Variants in RNF180 observed in about 807,000 individuals in gnomAD.
RNF180 encodes the protein E3 ubiquitin-protein ligase RNF180.
RNF180 carries 38 observed loss-of-function variants against 59.2 expected under a neutral mutation model. The observed-to-expected ratio is 0.64, with a 90% confidence interval of 0.50 to 0.84. The LOEUF (loss-of-function observed/expected upper bound fraction) is 0.84. Among genes scored for constraint, RNF180 ranks in the 40% least tolerant of loss-of-function variants. The pLI is 0.00. For missense variants in RNF180, 705 were observed against 700.9 expected (o/e 1.01, Z -0.07); for synonymous variants, 262 against 240.3 (o/e 1.09, Z -0.84).
chr5:64,232,416 G>T (rs965116859), intron 5 of RNF180, among the ~76,000 whole-genome samples: 1 of 152,114 alleles, frequency 6.6e-6, no homozygotes, highest in Non-Finnish European at 1.5e-5. Context: ...TTCAAGGCTG[G>T]AGTGTAGTGG....
chr5:64,216,939 C>T (rs1428966685), intron 4 of RNF180, among the ~76,000 whole-genome samples: 1 of 152,130 alleles, frequency 6.6e-6, no homozygotes, highest in Non-Finnish European at 1.5e-5. Flanking sequence ...AATGGACATA[C>T]AGAACATTTT....
intron 1 of RNF180, among the ~76,000 whole-genome samples, chr5:64,190,413 A>G (rs755360643): frequency 7.2e-5 from 11 of 152,092 alleles, no homozygotes; most frequent in Non-Finnish European, 1.2e-4. Context: ...GATTAGTTAT[A>G]CCTTGAGTCT....
intron 7 of RNF180, among the ~76,000 whole-genome samples, chr5:64,354,817 A>C (rs926254894): frequency 6.6e-6 from 1 of 151,872 alleles, no homozygotes; most frequent in Non-Finnish European, 1.5e-5. Flanking sequence ...ACATTAATAA[A>C]GGGGGGAAGG....
At chr5:64,208,125 T>C (rs922894461) in intron 2 of RNF180, among the ~76,000 whole-genome samples, 1 of 152,108 alleles carries the variant, frequency 6.6e-6, no homozygotes, top group African/African-American at 2.4e-5. Context: ...TTATAGAAAC[T>C]GAGAATATTC....
intron 1 of RNF180, among the ~76,000 whole-genome samples, chr5:64,177,820 A>G (rs1430304737): frequency 6.6e-6 from 1 of 152,082 alleles, no homozygotes; most frequent in Admixed American, 6.5e-5. Flanking sequence ...GAAGCACCCC[A>G]AGACTAGCAA....
chr5:64,355,170 G>T (rs1450154616), intron 7 of RNF180, among the ~76,000 whole-genome samples: 1 of 151,876 alleles, frequency 6.6e-6, no homozygotes, highest in Non-Finnish European at 1.5e-5. Context: ...CCTGTATACA[G>T]AAAATCCCAA....
intron 1 of RNF180, among the ~76,000 whole-genome samples, chr5:64,171,055 A>G (rs1749909897): frequency 6.6e-6 from 1 of 152,220 alleles, no homozygotes; most frequent in Non-Finnish European, 1.5e-5. Flanking sequence ...TCAACGATAT[A>G]GAGTAACAAG....
intron 5 of RNF180, among the ~76,000 whole-genome samples, chr5:64,299,017 G>A (rs1385665941): frequency 1.3e-5 from 2 of 151,948 alleles, no homozygotes; most frequent in Non-Finnish European, 2.9e-5. Flanking sequence ...ATGGCCTTTG[G>A]TAGGTATTAA....
chr5:64,185,729 G>A (rs1013302570), intron 1 of RNF180, among the ~76,000 whole-genome samples: 1 of 152,176 alleles, frequency 6.6e-6, no homozygotes, highest in Admixed American at 6.5e-5. Context: ...GTGGTATTGA[G>A]GGGGACTACA....
At chr5:64,258,653 G>A (rs1744134559) in intron 5 of RNF180, among the ~76,000 whole-genome samples, 1 of 152,188 alleles carries the variant, frequency 6.6e-6, no homozygotes, top group African/African-American at 2.4e-5. Flanking sequence ...TGGGGTGTGA[G>A]ATATATAGGT....
chr5:64,249,350 A>C (rs1018406146), intron 5 of RNF180, among the ~76,000 whole-genome samples: 1 of 152,230 alleles, frequency 6.6e-6, no homozygotes, highest in Admixed American at 6.6e-5. Context: ...GGGAGTTTCC[A>C]TAAGGCTAGC....
At chr5:64,247,449 A>G (rs1338465050) in intron 5 of RNF180, among the ~76,000 whole-genome samples, 4 of 152,234 alleles carry the variant, frequency 2.6e-5, no homozygotes, top group African/African-American at 9.6e-5. Context: ...AAAAATCACA[A>G]GCATTCCTAT....
chr5:64,183,884 T>C (rs1750743797), intron 1 of RNF180, among the ~76,000 whole-genome samples: 2 of 152,238 alleles, frequency 1.3e-5, no homozygotes, highest in South Asian at 2.1e-4. Context: ...ATAATAGCTT[T>C]ATTAGGCTGC....
At position 64,172,192 on chromosome 5, in the gene RNF180, G is replaced by A. The variant is rs146313097; in HGVS notation, c.-1+6239G>A. ...CTTCAAATGCATAGTGACTGTTAGC[G>A]TAAATGCTGACAGACTGATTTTTAG... is the stretch of plus-strand genomic sequence containing the variant. On this transcript the variant is annotated intron_variant, in intron 1 of 7. Transcript: ENST00000389100. Among the ~76,000 whole-genome samples the A allele has an allele frequency of 8.1e-3, 1,236 of 152,248 alleles. 18 individuals are homozygous for A. The highest frequency in any genetic ancestry group is 0.028 in the African/African-American group (1,144 of 41,534).
In RNF180 at chr5:64,370,096, T is replaced by A. The variant is rs996418597; in HGVS notation, c.*282T>A. The A allele has an allele frequency of 5.6e-5, 11 of 197,604 alleles. No homozygotes were observed. 12.2% of individuals were successfully genotyped at this position (197,604 alleles called of 1,614,324 possible). On this transcript the variant is annotated 3_prime_UTR_variant, in exon 8 of 8. Transcript: ENST00000389100. ...GGGCTCTGATTTTATAATATCACTT[T>A]AATACTTATTTTGATTGTAAAAAAC...
intron 1 of RNF180, among the ~76,000 whole-genome samples, chr5:64,171,058 G>A (rs1224312321): frequency 6.6e-6 from 1 of 152,192 alleles, no homozygotes; most frequent in Non-Finnish European, 1.5e-5. Flanking sequence ...ACGATATAGA[G>A]TAACAAGCAG....
At chr5:64,174,208 T>C (rs543716354) in intron 1 of RNF180, among the ~76,000 whole-genome samples, 1 of 152,238 alleles carries the variant, frequency 6.6e-6, no homozygotes, top group Non-Finnish European at 1.5e-5. Flanking sequence ...ATTCATTCTT[T>C]GATGGACACT....
chr5:64,212,187 T>C (rs771720746), intron 3 of RNF180, 27 bp downstream of exon 3: 19 of 1,282,022 alleles, frequency 1.5e-5, no homozygotes, highest in Admixed American at 3.4e-5. Context: ...TGAGTAAAAT[T>C]AAGAATATAC....
chr5:64,269,550 A>G (rs571436699), intron 5 of RNF180, among the ~76,000 whole-genome samples: 1 of 152,080 alleles, frequency 6.6e-6, no homozygotes, highest in East Asian at 1.9e-4. Flanking sequence ...ATTCCTTTCT[A>G]TGTAGAAGTG....
Sources: allele counts gnomAD v4.1 joint callset (sites outside exome capture counted in the v4.1 genomes callset), GRCh38; gene constraint gnomAD v4.1.1; transcripts MANE v1.5; gene names NCBI Gene and HGNC (gene_info 2026-07-23, HGNC 2026-07-21).